Variants in ADAMTS12 observed in about 807,000 individuals in gnomAD.
The protein encoded by ADAMTS12 is A disintegrin and metalloproteinase with thrombospondin motifs 12.
A neutral mutation model predicts 167.8 loss-of-function variants in ADAMTS12; 118 were observed. The ratio of observed to expected loss-of-function variants is 0.70; its 90% CI spans 0.61 to 0.82. The LOEUF is 0.82. ADAMTS12 is among the 40% of genes least tolerant of loss of function. ADAMTS12 has a pLI of 0.00. For missense variants in ADAMTS12, 1,916 were observed against 1,998.8 expected (o/e 0.96, Z 0.79); for synonymous variants, 704 against 716.9 (o/e 0.98, Z 0.29).
In ADAMTS12 at chr5:33,576,048, T is replaced by C; in HGVS notation, c.3972+6A>G. The C allele has an allele frequency of 1.2e-6, 2 of 1,608,822 alleles. No individual in the cohort carries two copies. The highest frequency in any genetic ancestry group is 1.1e-5 in the South Asian group (1 of 90,326). Reference sequence around the variant, plus strand: ...AAAACCAGGCCAGGGGTAGGAAATGTCTTACCTCGCTCCAGTTTCCGACGA... The same window carrying C: ...AAAACCAGGCCAGGGGTAGGAAATGCCTTACCTCGCTCCAGTTTCCGACGA... On this transcript the variant is annotated splice_donor_region_variant and intron_variant, in intron 19 of 23. Coordinates refer to ENST00000504830, the MANE Select transcript of ADAMTS12 (RefSeq NM_030955.4).
Position 33,684,024 on chromosome 5 carries a change from T to C in ADAMTS12, c.666A>G (p.Leu222=), listed in dbSNP as rs1425806187. 20 of 1,605,170 alleles carry C rather than the reference T, an allele frequency of 1.2e-5. No homozygotes were observed. Among genetic ancestry groups the C allele is most frequent in the East Asian group, 1.1e-4 (5 of 44,580 alleles). The change falls in exon 4 of 24, where the codon CTA becomes CTG. Residue 222 remains leucine (L), a synonymous_variant. Coordinates refer to ENST00000504830, the MANE Select transcript of ADAMTS12 (RefSeq NM_030955.4). ...TGTGCCTCTCCCACTTCTCCCGCCA[T>C]AGCTCTTGCTTCTGGGAGATGTTAA... ...DSVNISQKQE[L]WREKWERHNL...
At chr5:33,849,014 A>T (rs866644127) in intron 2 of ADAMTS12, among the ~76,000 whole-genome samples, 1 of 150,020 alleles carries the variant, frequency 6.7e-6, no homozygotes, top group Admixed American at 6.7e-5. Context: ...CAATATATAT[A>T]TATGTATTGC....
chr5:33,725,909 C>T (rs1007848105), intron 3 of ADAMTS12, among the ~76,000 whole-genome samples: 2 of 152,184 alleles, frequency 1.3e-5, no homozygotes, highest in South Asian at 4.1e-4. Context: ...TTAACAAATT[C>T]CCCGGGGGAT....
intron 2 of ADAMTS12, among the ~76,000 whole-genome samples, chr5:33,766,336 T>C (rs1327656149): frequency 1.3e-5 from 2 of 152,044 alleles, no homozygotes; most frequent in African/African-American, 2.4e-5. Context: ...AGTCTAACCA[T>C]GAGAAAAACA....
At chr5:33,793,880 C>G (rs28495195) in intron 2 of ADAMTS12, among the ~76,000 whole-genome samples, 8 of 152,148 alleles carry the variant, frequency 5.3e-5, no homozygotes, top group Admixed American at 1.3e-4. Flanking sequence ...GTTCTTCCCC[C>G]CTCCCCGCCT....
chr5:33,545,070 G>A lies in ADAMTS12; in HGVS notation c.4446+989C>T, dbSNP rs573260107. On this transcript the variant is annotated intron_variant, in intron 22 of 23. Coordinates refer to ENST00000504830, the MANE Select transcript of ADAMTS12 (RefSeq NM_030955.4). ...AACAAAACACCATCAGAGTGAACAG[G>A]CAACCTACAGAATGGGAGAAAATTT... Among the ~76,000 whole-genome samples, 11 of 152,304 alleles carry A rather than the reference G, an allele frequency of 7.2e-5. No homozygotes were observed. The South Asian group carries it at 1.0e-3, about 14-fold the overall frequency.
At chr5:33,808,579 C>T (rs1226825113) in intron 2 of ADAMTS12, among the ~76,000 whole-genome samples, 2 of 152,200 alleles carry the variant, frequency 1.3e-5, no homozygotes, top group African/African-American at 4.8e-5. Flanking sequence ...ATCAACACTA[C>T]ACCAGCAAAT....
At chr5:33,546,839 A>G (rs1376850159) in intron 21 of ADAMTS12, among the ~76,000 whole-genome samples, 3 of 152,244 alleles carry the variant, frequency 2.0e-5, no homozygotes. Context: ...TTCACCAAGA[A>G]TGTTTGAAAA....
chr5:33,577,058 G>C lies in ADAMTS12; in HGVS notation c.2968C>G (p.Leu990Val). The change falls in exon 19 of 24, where the codon CTG (leucine) becomes GTG (valine). Residue 990 changes from leucine to valine, a missense_variant. Transcript: ENST00000504830. ...DVTRKPNSRA[L>V]CGLQQCPSSR... ...GAAGGGCATTGCTGGAGGCCACACA[G>C]AGCTCGGCTGTTGGGTTTCCTTGTC... 1 of 1,614,200 alleles carries C rather than the reference G, an allele frequency of 6.2e-7. No individual in the cohort carries two copies. The highest frequency in any genetic ancestry group is 8.5e-7 in the Non-Finnish European group (1 of 1,180,022).
At chr5:33,811,650 C>T (rs1747466930) in intron 2 of ADAMTS12, among the ~76,000 whole-genome samples, 1 of 152,174 alleles carries the variant, frequency 6.6e-6, no homozygotes, top group South Asian at 2.1e-4. Context: ...CCATACGTTG[C>T]AGTAAGGGCT....
At chr5:33,805,614 T>G (rs996205556) in intron 2 of ADAMTS12, among the ~76,000 whole-genome samples, 3 of 152,226 alleles carry the variant, frequency 2.0e-5, no homozygotes, top group African/African-American at 7.2e-5. Context: ...GCGTGGAGGC[T>G]TTCATCAAGC....
At chr5:33,539,890 A>G (rs993816811) in intron 22 of ADAMTS12, among the ~76,000 whole-genome samples, 13 of 152,138 alleles carry the variant, frequency 8.5e-5, no homozygotes, top group African/African-American at 2.7e-4. Context: ...TCGACACAAG[A>G]TGAGTAATTT....
intron 3 of ADAMTS12, among the ~76,000 whole-genome samples, chr5:33,706,227 A>C (rs1239278597): frequency 6.6e-6 from 1 of 152,066 alleles, no homozygotes; most frequent in Non-Finnish European, 1.5e-5. Flanking sequence ...TGCTTGGCCC[A>C]GAGCTGAGTT....
chr5:33,595,837 C>A, intron 17 of ADAMTS12, 97 bp downstream of exon 17: 1 of 1,521,634 alleles, frequency 6.6e-7, no homozygotes, highest in Non-Finnish European at 8.9e-7. Flanking sequence ...AATAACAAAA[C>A]CACACAATAT....
intron 2 of ADAMTS12, among the ~76,000 whole-genome samples, chr5:33,813,038 G>A (rs77684540): frequency 0.022 from 3,368 of 152,282 alleles, 49 homozygotes; most frequent in Non-Finnish European, 0.036. Context: ...TTCTATTTAC[G>A]TGAATTTCAA....
At chr5:33,800,528 C>T (rs182324683) in intron 2 of ADAMTS12, among the ~76,000 whole-genome samples, 5 of 152,278 alleles carry the variant, frequency 3.3e-5, no homozygotes, top group East Asian at 3.9e-4. Flanking sequence ...TTTATTTCTA[C>T]GACAATTCTC....
In ADAMTS12 at chr5:33,573,162, T is replaced by C. The variant is rs1290438540; in HGVS notation, c.3972+2892A>G. ...GTAGGAAGAATCAATATCGTGAAAA[T>C]GGCCATACTGCCCAAGGTAATTTAT... On this transcript the variant is annotated intron_variant, in intron 19 of 23. Transcript: ENST00000504830. 1.2e-3 allele frequency among the ~76,000 whole-genome samples: 190 copies of C among 152,030 alleles called. 1 individual carries two copies. Among genetic ancestry groups the C allele is most frequent in the African/African-American group, 4.5e-3 (185 of 41,472 alleles).
In ADAMTS12 at chr5:33,601,110, T is replaced by A. The variant is rs868326083; in HGVS notation, c.2528-5050A>T. ...AGAAGCTCAAACACATTTAAGAGTG[T>A]GTGTGTGTGTGTGTGTGTGTGTGTG... On this transcript the variant is annotated intron_variant, in intron 16 of 23. Coordinates refer to ENST00000504830, the MANE Select transcript of ADAMTS12 (RefSeq NM_030955.4). Among the ~76,000 whole-genome samples, 608 of 136,808 alleles carry A rather than the reference T, an allele frequency of 4.4e-3. 6 individuals are homozygous for A. Among genetic ancestry groups the A allele is most frequent in the African/African-American group, 0.02 (585 of 28,930 alleles). 89.8% of individuals were successfully genotyped at this position (136,808 alleles called of 152,430 possible).
At chr5:33,796,094 A>T (rs923600680) in intron 2 of ADAMTS12, among the ~76,000 whole-genome samples, 5 of 152,244 alleles carry the variant, frequency 3.3e-5, no homozygotes, top group African/African-American at 1.2e-4. Context: ...ATCTACAGGG[A>T]CACCAATAGG....
Sources: gnomAD v4.1 joint callset for allele counts (sites outside exome capture counted in the v4.1 genomes callset) on GRCh38, gnomAD v4.1.1 for gene constraint, MANE v1.5 for transcripts, NCBI Gene and HGNC (gene_info 2026-07-23, HGNC 2026-07-21) for gene names.